SCN9A: variants seen among roughly 807,000 people sequenced by gnomAD.
SCN9A encodes the protein sodium voltage-gated channel alpha subunit 9.
In SCN9A, 131 loss-of-function variants were observed where a neutral mutation model predicts 187.0. The ratio of observed to expected loss-of-function variants is 0.70; its 90% CI spans 0.61 to 0.81. SCN9A has a LOEUF of 0.81. Among genes scored for constraint, SCN9A ranks in the 30% least tolerant of loss-of-function variants. The pLI is 0.00. For synonymous variants in SCN9A, 809 were observed against 808.6 expected (o/e 1.00, Z -0.01); for missense variants, 2,252 against 2,396.6 (o/e 0.94, Z 1.26).
intron 24 of SCN9A, among the ~76,000 whole-genome samples, chr2:166,224,091 A>G (rs555465578): frequency 1.3e-5 from 2 of 152,296 alleles, no homozygotes; most frequent in Non-Finnish European, 2.9e-5. Context: ...TTGTAAGAAT[A>G]ACATTAACAA....
chr2:166,364,984 G>T (rs1700380959), intron 1 of SCN9A, among the ~76,000 whole-genome samples: 1 of 152,066 alleles, frequency 6.6e-6, no homozygotes, highest in Non-Finnish European at 1.5e-5. Context: ...TGTTTTGCTA[G>T]GCAGTAGTCA....
rs59679940 is a variant in SCN9A at position 166,201,508 on chromosome 2, G to A, written c.4775-1644C>T. The stretch of plus-strand genomic sequence containing the variant: ...ACTATATATATAGTATAGAGTATGC[G>A]TATACTATATATATAGTATAGAGTA... On this transcript the variant is annotated intron_variant, in intron 26 of 26. Coordinates refer to ENST00000642356, the MANE Select transcript of SCN9A (RefSeq NM_001365536.1). Among the ~76,000 whole-genome samples the A allele has an allele frequency of 1.0e-3, 79 of 77,934 alleles. 7 individuals carry two copies. The South Asian group carries it at 0.01, about 10-fold the overall frequency. The allele number at this position is 77,934 out of a possible 152,430, so 51.1% of individuals were successfully genotyped here.
chr2:166,321,278 C>T (rs961361317), intron 1 of SCN9A, among the ~76,000 whole-genome samples: 2 of 152,012 alleles, frequency 1.3e-5, no homozygotes, highest in Non-Finnish European at 2.9e-5. Context: ...CCAACATTTT[C>T]GGAGGCCAAG....
chr2:166,213,540 G>A (rs1439326240), intron 24 of SCN9A, among the ~76,000 whole-genome samples: 2 of 150,498 alleles, frequency 1.3e-5, no homozygotes, highest in East Asian at 1.9e-4. Flanking sequence ...AGGACCAGAC[G>A]GCTTCTCTGG....
At chr2:166,373,675 A>C in intron 1 of SCN9A, among the ~76,000 whole-genome samples, 1 of 152,160 alleles carries the variant, frequency 6.6e-6, no homozygotes, top group African/African-American at 2.4e-5. Flanking sequence ...TATTCAGATA[A>C]TGAAGATGGG....
chr2:166,279,907 G>A (rs937633239), intron 14 of SCN9A, among the ~76,000 whole-genome samples: 7 of 152,020 alleles, frequency 4.6e-5, no homozygotes, highest in African/African-American at 1.7e-4. Flanking sequence ...ATATAATGCA[G>A]AATCAGCATT....
Position 166,201,484 on chromosome 2 carries a change from CTA to C in SCN9A, c.4775-1622_4775-1621del, listed in dbSNP as rs1322720637. 1.1e-3 allele frequency among the ~76,000 whole-genome samples: 118 copies of C among 106,064 alleles called. 4 individuals carry two copies. The highest frequency in any genetic ancestry group is 4.0e-3 in the African/African-American group (109 of 27,580). The allele number at this position is 106,064 out of a possible 152,430, so 69.6% of individuals were successfully genotyped here. ...ATATATAGTATAGAGTATGCGTATA[CTA>C]TATATATAGTATAGAGTATGCGTAT... On this transcript the variant is annotated intron_variant, in intron 26 of 26. Coordinates refer to ENST00000642356, the MANE Select transcript of SCN9A (RefSeq NM_001365536.1).
intron 24 of SCN9A, among the ~76,000 whole-genome samples, chr2:166,224,334 A>G (rs1694755235): frequency 1.3e-5 from 2 of 152,290 alleles, no homozygotes; most frequent in African/African-American, 4.8e-5. Flanking sequence ...AAAAATAAAC[A>G]TCTGTATTTG....
chr2:166,254,072 G>A (rs762528259), intron 17 of SCN9A, among the ~76,000 whole-genome samples: 1 of 151,412 alleles, frequency 6.6e-6, no homozygotes, highest in Non-Finnish European at 1.5e-5. Flanking sequence ...TTTATATAGT[G>A]TATCTTGTTG....
chr2:166,258,492 C>A lies in SCN9A; in HGVS notation c.3352-6607G>T, dbSNP rs115864534. On this transcript the variant is annotated intron_variant, in intron 17 of 26. Coordinates refer to ENST00000642356, the MANE Select transcript of SCN9A (RefSeq NM_001365536.1). The stretch of plus-strand genomic sequence containing the variant: ...ATAGGCAAGGCCTATCAACTTTTAA[C>A]TGATGCATTTTATATAGGAGCAAAT... Among the ~76,000 whole-genome samples the A allele has an allele frequency of 8.3e-3, 1,259 of 151,582 alleles. 13 individuals are homozygous for A. The highest frequency in any genetic ancestry group is 0.011 in the Non-Finnish European group (719 of 67,630).
intron 1 of SCN9A, among the ~76,000 whole-genome samples, chr2:166,353,383 A>G (rs1700085161): frequency 6.6e-6 from 1 of 151,454 alleles, no homozygotes; most frequent in South Asian, 2.1e-4. Flanking sequence ...TCCCATGACT[A>G]AAAAAAAATT....
At chr2:166,210,330 T>C (rs1175705388) in intron 24 of SCN9A, among the ~76,000 whole-genome samples, 1 of 151,836 alleles carries the variant, frequency 6.6e-6, no homozygotes, top group African/African-American at 2.4e-5. Context: ...GAGGGGGATA[T>C]ACCTAACATT....
intron 1 of SCN9A, among the ~76,000 whole-genome samples, chr2:166,347,577 G>A (rs906408762): frequency 2.6e-5 from 4 of 152,152 alleles, no homozygotes; most frequent in African/African-American, 9.7e-5. Context: ...TGAGTTCTGT[G>A]CTATTTAGAA....
In SCN9A at chr2:166,366,795, C is replaced by T. The variant is rs189522976; in HGVS notation, c.-51+8902G>A. ...AAATAGATTGAGACGTATCATAGAA[C>T]TCAAGGGCCAAATTTCCCATGGTTT... On this transcript the variant is annotated intron_variant, in intron 1 of 26. Coordinates refer to ENST00000642356, the MANE Select transcript of SCN9A (RefSeq NM_001365536.1). 8.1e-4 allele frequency among the ~76,000 whole-genome samples: 123 copies of T among 152,262 alleles called. 1 individual carries two copies. Among genetic ancestry groups the T allele is most frequent in the African/African-American group, 2.5e-3 (105 of 41,554 alleles).
At chr2:166,247,966 A>G (rs1290848228) in intron 18 of SCN9A, among the ~76,000 whole-genome samples, 1 of 152,112 alleles carries the variant, frequency 6.6e-6, no homozygotes, top group African/African-American at 2.4e-5. Context: ...AGTAATAGAC[A>G]CAGAGCTAAG....
At position 166,271,075 on chromosome 2, in the gene SCN9A, A is replaced by G. The variant is rs186586108; in HGVS notation, c.3351+1324T>C. Among the ~76,000 whole-genome samples the G allele has an allele frequency of 2.4e-3, 366 of 152,164 alleles. 5 individuals carry two copies. Among genetic ancestry groups the G allele is most frequent in the Non-Finnish European group, 1.1e-3 (78 of 68,000 alleles). ...GTAAGGGTGGGAGAGGAGGGCACAA[A>G]AAAAGGTTTTAAAGAGTTCCTGTTC... On this transcript the variant is annotated intron_variant, in intron 17 of 26. Coordinates refer to ENST00000642356, the MANE Select transcript of SCN9A (RefSeq NM_001365536.1).
intron 24 of SCN9A, among the ~76,000 whole-genome samples, chr2:166,221,258 A>G (rs764090823): frequency 8.5e-5 from 13 of 152,188 alleles, no homozygotes; most frequent in Non-Finnish European, 1.6e-4. Context: ...AATTCAATAC[A>G]GTACATATCA....
intron 15 of SCN9A, 86 bp from the exon 16 acceptor site, chr2:166,277,425 C>T: frequency 2.4e-6 from 2 of 840,290 alleles, no homozygotes; most frequent in East Asian, 2.6e-5. Context: ...AAGGGTAAAG[C>T]AGACTTTAAG....
chr2:166,215,238 T>G (rs936556779), intron 24 of SCN9A, among the ~76,000 whole-genome samples: 4 of 151,996 alleles, frequency 2.6e-5, no homozygotes, highest in African/African-American at 7.2e-5. Flanking sequence ...ACAGAAAATA[T>G]TTTGGGATCA....
Sources: allele counts gnomAD v4.1 joint callset (sites outside exome capture counted in the v4.1 genomes callset), GRCh38; gene constraint gnomAD v4.1.1; transcripts MANE v1.5; gene names NCBI Gene and HGNC (gene_info 2026-07-23, HGNC 2026-07-21).